Variants in CHSY3 observed in about 807,000 individuals in gnomAD.
CHSY3 encodes N-acetylgalactosaminyl-proteoglycan 3-beta-glucuronosyltransferase 3.
In CHSY3, 35 loss-of-function variants were observed where a neutral mutation model predicts 67.2. That is an observed-to-expected ratio of 0.52 (90% CI 0.40 to 0.69). CHSY3 has a LOEUF of 0.69. Among genes scored for constraint, CHSY3 ranks in the 30% least tolerant of loss-of-function variants. CHSY3 has a pLI of 0.00. For missense variants in CHSY3, 1,069 were observed against 1,138.5 expected (o/e 0.94, Z 0.88); for synonymous variants, 474 against 434.7 (o/e 1.09, Z -1.12).
intron 2 of CHSY3, among the ~76,000 whole-genome samples, chr5:130,162,517 A>G (rs115961309): frequency 2.7e-3 from 410 of 152,130 alleles, no homozygotes; most frequent in African/African-American, 8.2e-3. Context: ...CAAACTCCCT[A>G]GATTCCTATA....
chr5:130,021,504 T>C (rs976137917), intron 2 of CHSY3, among the ~76,000 whole-genome samples: 1 of 152,192 alleles, frequency 6.6e-6, no homozygotes. Flanking sequence ...TCAGTTTCCA[T>C]GGCAATGGAG....
At chr5:129,947,931 C>A (rs570250384) in intron 2 of CHSY3, among the ~76,000 whole-genome samples, 1 of 152,156 alleles carries the variant, frequency 6.6e-6, no homozygotes, top group African/African-American at 2.4e-5. Flanking sequence ...TATCTATGTT[C>A]TTTGCCCATT....
intron 2 of CHSY3, among the ~76,000 whole-genome samples, chr5:129,920,887 C>T (rs1285095041): frequency 1.3e-5 from 2 of 151,940 alleles, no homozygotes; most frequent in African/African-American, 2.4e-5. Context: ...GGTACAATCA[C>T]GACCCTCTGC....
chr5:129,968,970 C>G (rs896030427), intron 2 of CHSY3, among the ~76,000 whole-genome samples: 12 of 151,794 alleles, frequency 7.9e-5, no homozygotes, highest in African/African-American at 2.9e-4. Context: ...TTCTTAATCA[C>G]TGACTTATTT....
intron 2 of CHSY3, among the ~76,000 whole-genome samples, chr5:130,068,884 T>C (rs1301622044): frequency 6.6e-6 from 1 of 152,098 alleles, no homozygotes; most frequent in African/African-American, 2.4e-5. Flanking sequence ...TTGGTTTTGC[T>C]CCTTCTGGCA....
At chr5:130,155,470 A>G (rs930552325) in intron 2 of CHSY3, among the ~76,000 whole-genome samples, 2 of 152,188 alleles carry the variant, frequency 1.3e-5, no homozygotes, top group African/African-American at 2.4e-5. Context: ...TTCATGTTTA[A>G]TGCAACCTTC....
At chr5:130,181,846 T>C (rs1203528823) in intron 2 of CHSY3, among the ~76,000 whole-genome samples, 1 of 152,202 alleles carries the variant, frequency 6.6e-6, no homozygotes, top group Non-Finnish European at 1.5e-5. Context: ...TTGCAAGTAG[T>C]ATTTCAAGTA....
intron 2 of CHSY3, among the ~76,000 whole-genome samples, chr5:130,159,524 T>C (rs1247969154): frequency 1.3e-5 from 2 of 152,206 alleles, no homozygotes; most frequent in African/African-American, 2.4e-5. Context: ...TCACTTTAAA[T>C]TTAGTTTTAA....
upstream of CHSY3, among the ~76,000 whole-genome samples, chr5:129,904,311 G>T (rs1162229974): frequency 6.6e-6 from 1 of 152,004 alleles, no homozygotes; most frequent in Non-Finnish European, 1.5e-5. Context: ...GGGTGACGGG[G>T]AAATACCGCG....
At chr5:129,942,833 A>G (rs1029671355) in intron 2 of CHSY3, among the ~76,000 whole-genome samples, 1 of 152,170 alleles carries the variant, frequency 6.6e-6, no homozygotes, top group Non-Finnish European at 1.5e-5. Flanking sequence ...TTCTTCACTT[A>G]TGACATGTTG....
intron 2 of CHSY3, among the ~76,000 whole-genome samples, chr5:129,981,169 C>G (rs1301769175): frequency 3.3e-5 from 5 of 151,556 alleles, no homozygotes; most frequent in East Asian, 1.9e-4. Context: ...TGCAGTGAGC[C>G]GAGATTGCGC....
At chr5:129,973,452 A>G (rs1762703149) in intron 2 of CHSY3, among the ~76,000 whole-genome samples, 1 of 152,110 alleles carries the variant, frequency 6.6e-6, no homozygotes, top group South Asian at 2.1e-4. Context: ...TTCTTTATTC[A>G]TATTCTAATG....
At chr5:129,972,197 T>A (rs575025910) in intron 2 of CHSY3, among the ~76,000 whole-genome samples, 1 of 152,194 alleles carries the variant, frequency 6.6e-6, no homozygotes, top group East Asian at 1.9e-4. Context: ...TTAAAAATTA[T>A]GACATAACCA....
At chr5:130,164,698 CTGGAGATAGAA>C (rs1399314546) in intron 2 of CHSY3, among the ~76,000 whole-genome samples, 5 of 152,004 alleles carry the variant, frequency 3.3e-5, no homozygotes, top group Non-Finnish European at 4.4e-5. Context: ...ATGTCAGGCA[CTGGAGATAGAA>C]TGGTGAAAAA....
At chr5:130,079,972 T>C (rs1396933099) in intron 2 of CHSY3, among the ~76,000 whole-genome samples, 2 of 151,774 alleles carry the variant, frequency 1.3e-5, no homozygotes, top group Non-Finnish European at 2.9e-5. Flanking sequence ...GTTTGTTTTC[T>C]GCAAAGCTCA....
At chr5:129,920,814 AT>A (rs563605898) in intron 2 of CHSY3, among the ~76,000 whole-genome samples, 5,135 of 147,272 alleles carry the variant, frequency 0.035, 288 homozygotes, top group African/African-American at 0.12. Flanking sequence ...CCACCATAAG[AT>A]TTTTTTTTTT....
At chr5:130,176,706 G>T (rs953287416) in intron 2 of CHSY3, among the ~76,000 whole-genome samples, 2 of 152,108 alleles carry the variant, frequency 1.3e-5, no homozygotes, top group African/African-American at 4.8e-5. Context: ...CATGGATGAA[G>T]CTGGAAACCA....
intron 2 of CHSY3, among the ~76,000 whole-genome samples, chr5:130,021,812 C>T (rs1271094797): frequency 1.3e-5 from 2 of 152,000 alleles, no homozygotes; most frequent in African/African-American, 4.8e-5. Flanking sequence ...TATACTACAG[C>T]TCTCAGGGTT....
intron 2 of CHSY3, among the ~76,000 whole-genome samples, chr5:130,092,556 T>C (rs1766915580): frequency 6.6e-6 from 1 of 152,218 alleles, no homozygotes; most frequent in Non-Finnish European, 1.5e-5. Context: ...ATGGACAATT[T>C]TAATGTACCC....
Sources: gnomAD v4.1 joint callset for allele counts (sites outside exome capture counted in the v4.1 genomes callset) on GRCh38, gnomAD v4.1.1 for gene constraint, MANE v1.5 for transcripts, NCBI Gene and HGNC (gene_info 2026-07-23, HGNC 2026-07-21) for gene names.